DRC12: variants seen among roughly 807,000 people sequenced by gnomAD.
The protein encoded by DRC12 is dynein regulatory complex subunit 12 homolog.
the DRC12 span, among the ~76,000 whole-genome samples, chr11:119,194,633 G>T: frequency 6.6e-6 from 1 of 150,998 alleles, no homozygotes; most frequent in Non-Finnish European, 1.5e-5. Flanking sequence ...TTGCGGCCCA[G>T]GAGTTAGAGA....
the DRC12 span, chr11:119,193,033 A>G: frequency 1.1e-6 from 1 of 872,128 alleles, no homozygotes; most frequent in Non-Finnish European, 1.9e-6. Context: ...AAGTGGGGAA[A>G]GTGATCCAAG....
chr11:119,190,336 G>C, the DRC12 span: 1 of 1,614,146 alleles, frequency 6.2e-7, no homozygotes, highest in Non-Finnish European at 8.5e-7. The surrounding 1 kb of genome is among the most constrained non-coding windows in gnomAD (Gnocchi z 4.2). Flanking sequence ...AAGATCCAGG[G>C]GGGGTGAGTC....
At chr11:119,190,298 C>T in the DRC12 span, 3 of 1,614,034 alleles carry the variant, frequency 1.9e-6, no homozygotes, top group African/African-American at 4.0e-5. The surrounding 1 kb of genome is among the most constrained non-coding windows in gnomAD (Gnocchi z 4.2). Flanking sequence ...CCTCAGAGAA[C>T]ACTAGAGACT....
At chr11:119,191,764 G>C in the DRC12 span, among the ~76,000 whole-genome samples, 78 of 151,930 alleles carry the variant, frequency 5.1e-4, 1 homozygote, top group Admixed American at 1.4e-3. Flanking sequence ...GCCGAGATTT[G>C]CCATTGCACT....
the DRC12 span, chr11:119,193,418 G>C: frequency 3.6e-6 from 3 of 844,366 alleles, no homozygotes; most frequent in East Asian, 5.4e-5. Context: ...ACCTGAGGAA[G>C]GGACAGGAAG....
chr11:119,190,982 A>C, the DRC12 span: 3 of 1,003,542 alleles, frequency 3.0e-6, no homozygotes, highest in African/African-American at 4.9e-5. The surrounding 1 kb of genome is among the most constrained non-coding windows in gnomAD (Gnocchi z 4.2). Flanking sequence ...AGTCCCTGTA[A>C]AAGCTGAAGC....
At chr11:119,191,953 G>A in the DRC12 span, among the ~76,000 whole-genome samples, 1 of 151,346 alleles carries the variant, frequency 6.6e-6, no homozygotes, top group African/African-American at 2.4e-5. Flanking sequence ...GCAGCTCCTG[G>A]CCATCTATAG....
the DRC12 span, chr11:119,195,064 C>G: frequency 7.6e-7 from 1 of 1,323,934 alleles, no homozygotes; most frequent in South Asian, 1.3e-5. Context: ...CACATCCTCA[C>G]CCCACACCCT....
the DRC12 span, chr11:119,193,319 T>C: frequency 1.5e-5 from 19 of 1,251,504 alleles, no homozygotes; most frequent in Non-Finnish European, 2.1e-5. Context: ...AAGTTGTGGG[T>C]GGGGAAGACT....
At chr11:119,192,139 C>A in the DRC12 span, among the ~76,000 whole-genome samples, 1 of 152,084 alleles carries the variant, frequency 6.6e-6, no homozygotes, top group African/African-American at 2.4e-5. Context: ...CCATGCTCAG[C>A]TAATTTTTGT....
the DRC12 span, among the ~76,000 whole-genome samples, chr11:119,194,391 G>A: frequency 6.6e-6 from 1 of 151,770 alleles, no homozygotes; most frequent in Non-Finnish European, 1.5e-5. Context: ...CCACGTGCCT[G>A]TAATCCCAGC....
At chr11:119,193,936 C>T in the DRC12 span, 38 of 1,532,992 alleles carry the variant, frequency 2.5e-5, no homozygotes, top group Non-Finnish European at 3.3e-5. Context: ...CCCACTAAAT[C>T]AGCCCCCATG....
chr11:119,195,429 TTC>T, the DRC12 span: 3 of 1,551,340 alleles, frequency 1.9e-6, no homozygotes, highest in Non-Finnish European at 2.6e-6. Context: ...CTCACCCCAG[TTC>T]TTTTTCTTCT....
chr11:119,190,732 G>T, the DRC12 span: 1 of 1,613,912 alleles, frequency 6.2e-7, no homozygotes, highest in Non-Finnish European at 8.5e-7. This position sits in a 1 kb window ranked among gnomAD's most constrained non-coding sequence, Gnocchi z 4.2. Flanking sequence ...CTCATACTTC[G>T]CCTCCATGTC....
At chr11:119,195,610 C>A in the DRC12 span, 1 of 739,414 alleles carries the variant, frequency 1.4e-6, no homozygotes, top group South Asian at 1.7e-5. Context: ...TCATATCCTT[C>A]AGAAAAGTCA....
At chr11:119,191,094 G>A in the DRC12 span, among the ~76,000 whole-genome samples, 1 of 149,706 alleles carries the variant, frequency 6.7e-6, no homozygotes, top group Non-Finnish European at 1.5e-5. Flanking sequence ...CTGAGCCTTG[G>A]TGTCTTCATC....
the DRC12 span, chr11:119,193,072 G>T: frequency 2.4e-6 from 3 of 1,248,880 alleles, no homozygotes; most frequent in South Asian, 2.4e-5. Flanking sequence ...CTGGAGCAGA[G>T]ACTTTGAAGT....
chr11:119,193,889 T>A, the DRC12 span: 2 of 1,551,262 alleles, frequency 1.3e-6, no homozygotes, highest in African/African-American at 2.7e-5. Flanking sequence ...CGTAGAGCTG[T>A]GAGCAGTCCC....
At chr11:119,193,724 C>A in the DRC12 span, 3 of 1,547,782 alleles carry the variant, frequency 1.9e-6, no homozygotes, top group Admixed American at 5.9e-5. Context: ...TGTCCTCCTC[C>A]AAGCCCCTGT....
Sources: gnomAD v4.1 joint callset for allele counts (sites outside exome capture counted in the v4.1 genomes callset) on GRCh38, gnomAD v4.1.1 for gene constraint, Gnocchi (gnomAD v3.1) non-coding constraint, MANE v1.5 for transcripts, NCBI Gene and HGNC (gene_info 2026-07-23, HGNC 2026-07-21) for gene names.